The following DACH1 variants were observed in gnomAD, a reference collection of about 807,000 sequenced individuals.
The protein encoded by DACH1 is dachshund family transcription factor 1, also known as dachshund homolog 1.
In DACH1, 12 loss-of-function variants were observed where a neutral mutation model predicts 54.2. That is an observed-to-expected ratio of 0.22 (90% CI 0.14 to 0.36). The LOEUF (loss-of-function observed/expected upper bound fraction) is 0.36. DACH1 is among the 10% of genes least tolerant of loss of function. The pLI, the probability that DACH1 is intolerant of heterozygous loss-of-function variation, is 1.00. For missense variants in DACH1, 805 were observed against 929.8 expected, an observed-to-expected ratio of 0.87 and a Z score of 1.75; for synonymous variants, 386 against 366.2, an observed-to-expected ratio of 1.05 and a Z score of -0.62.
At chr13:71,528,044 G>A (rs1333870326) in intron 6 of DACH1, among the ~76,000 whole-genome samples, 5 of 152,078 alleles carry the variant, frequency 3.3e-5, no homozygotes, top group African/African-American at 1.2e-4. Flanking sequence ...TTGTCCATGA[G>A]ATTTTTGTGA....
intron 1 of DACH1, among the ~76,000 whole-genome samples, chr13:71,727,510 T>C (rs1176278091): frequency 1.3e-5 from 2 of 152,142 alleles, no homozygotes; most frequent in Non-Finnish European, 2.9e-5. Flanking sequence ...CTTTATTTGC[T>C]AATAATATGG....
At chr13:71,539,647 C>T (rs769389329) in intron 6 of DACH1, among the ~76,000 whole-genome samples, 21 of 152,030 alleles carry the variant, frequency 1.4e-4, no homozygotes, top group Non-Finnish European at 2.1e-4. Flanking sequence ...CTGGCTAATT[C>T]TCTTAAGATG....
At chr13:71,798,546 G>A (rs1181646346) in intron 1 of DACH1, among the ~76,000 whole-genome samples, 1 of 151,582 alleles carries the variant, frequency 6.6e-6, no homozygotes, top group Non-Finnish European at 1.5e-5. Context: ...TGTGTCGTAT[G>A]TCAGAATTTT....
intron 3 of DACH1, among the ~76,000 whole-genome samples, chr13:71,619,539 T>C (rs1418999263): frequency 6.6e-6 from 1 of 151,858 alleles, no homozygotes; most frequent in African/African-American, 2.4e-5. Context: ...TCGTCAACAT[T>C]TAGGTTCAAC....
intron 2 of DACH1, among the ~76,000 whole-genome samples, chr13:71,638,072 C>T (rs1048048591): frequency 1.3e-5 from 2 of 152,144 alleles, no homozygotes; most frequent in Non-Finnish European, 2.9e-5. Context: ...AGAGATGTTA[C>T]GTATTCAAAC....
intron 1 of DACH1, among the ~76,000 whole-genome samples, chr13:71,838,567 G>A (rs944635275): frequency 1.3e-5 from 2 of 152,090 alleles, no homozygotes; most frequent in African/African-American, 2.4e-5. Flanking sequence ...TGAAACAATC[G>A]TATCACCCAA....
chr13:71,470,899 G>A (rs1252162248), intron 10 of DACH1, among the ~76,000 whole-genome samples: 1 of 152,138 alleles, frequency 6.6e-6, no homozygotes, highest in African/African-American at 2.4e-5. Flanking sequence ...ATTGAACAAG[G>A]AACTGCATGT....
intron 1 of DACH1, among the ~76,000 whole-genome samples, chr13:71,687,507 C>T (rs57009753): frequency 0.097 from 14,702 of 152,128 alleles, 1,623 homozygotes; most frequent in East Asian, 0.26. Context: ...TGCTAAAATA[C>T]TGAATGCTTA....
chr13:71,776,016 T>C (rs1012899222), intron 1 of DACH1, among the ~76,000 whole-genome samples: 17 of 152,082 alleles, frequency 1.1e-4, no homozygotes, highest in Non-Finnish European at 2.9e-5. Context: ...TCCATAAAAG[T>C]TAATTTCTTG....
chr13:71,751,898 T>G (rs1051742420), intron 1 of DACH1, among the ~76,000 whole-genome samples: 19 of 152,154 alleles, frequency 1.2e-4, no homozygotes, highest in Non-Finnish European at 2.6e-4. Context: ...TGCTACTTAT[T>G]TAAAAACTTT....
At chr13:71,795,115 T>A (rs1886990259) in intron 1 of DACH1, among the ~76,000 whole-genome samples, 1 of 152,182 alleles carries the variant, frequency 6.6e-6, no homozygotes, top group Non-Finnish European at 1.5e-5. Context: ...AAAGTCTATT[T>A]CTAATTTAGA....
At chr13:71,827,164 C>T (rs1023954596) in intron 1 of DACH1, among the ~76,000 whole-genome samples, 3 of 152,022 alleles carry the variant, frequency 2.0e-5, no homozygotes, top group African/African-American at 7.2e-5. Context: ...GTCCAAACTC[C>T]AGCATGCAAA....
intron 6 of DACH1, among the ~76,000 whole-genome samples, chr13:71,541,627 C>G (rs1163716952): frequency 6.6e-6 from 1 of 151,974 alleles, no homozygotes; most frequent in African/African-American, 2.4e-5. Flanking sequence ...TGGCATTTTA[C>G]ATTTTTATTG....
chr13:71,709,132 C>A (rs995971820), intron 1 of DACH1, among the ~76,000 whole-genome samples: 1 of 152,016 alleles, frequency 6.6e-6, no homozygotes, highest in Admixed American at 6.6e-5. Context: ...GGATTACAGG[C>A]GTGAGCCACC....
chr13:71,820,202 C>T (rs994347018), intron 1 of DACH1, among the ~76,000 whole-genome samples: 1 of 150,064 alleles, frequency 6.7e-6, no homozygotes, highest in Non-Finnish European at 1.5e-5. Context: ...AAATACCAGA[C>T]AGTCCAGTGC....
intron 2 of DACH1, among the ~76,000 whole-genome samples, chr13:71,646,358 A>C (rs1218230678): frequency 6.6e-6 from 1 of 152,114 alleles, no homozygotes; most frequent in East Asian, 1.9e-4. Flanking sequence ...AAGAAAAAAA[A>C]AACAACCCTT....
intron 2 of DACH1, among the ~76,000 whole-genome samples, chr13:71,674,691 G>A (rs1309607840): frequency 8.8e-5 from 6 of 68,226 alleles, no homozygotes; most frequent in African/African-American, 1.7e-4. Flanking sequence ...ATAAATTGTG[G>A]TTTTGCCACT....
chr13:71,599,931 A>G (rs570342882), intron 3 of DACH1, among the ~76,000 whole-genome samples: 1 of 152,084 alleles, frequency 6.6e-6, no homozygotes, highest in Non-Finnish European at 1.5e-5. Flanking sequence ...AAAATAACTG[A>G]TATGAGAAAG....
chr13:71,510,542 A>G (rs1313650616), intron 6 of DACH1, among the ~76,000 whole-genome samples: 2 of 152,086 alleles, frequency 1.3e-5, no homozygotes, highest in African/African-American at 4.8e-5. Context: ...TCTAGTTCAT[A>G]GAGTTACAAA....
Sources: allele counts gnomAD v4.1 joint callset (sites outside exome capture counted in the v4.1 genomes callset), GRCh38; gene constraint gnomAD v4.1.1; transcripts MANE v1.5; gene names NCBI Gene and HGNC (gene_info 2026-07-23, HGNC 2026-07-21).